The following ENTPD3 variants were observed in gnomAD, a reference collection of about 807,000 sequenced individuals.
The protein encoded by ENTPD3 is CD39 antigen-like 3.
A neutral mutation model predicts 51.2 loss-of-function variants in ENTPD3; 60 were observed. The ratio of observed to expected loss-of-function variants is 1.17; its 90% CI spans 0.95 to 1.45. ENTPD3 has a LOEUF of 1.45. ENTPD3 is among the 40% of genes most tolerant of loss of function. The pLI, the probability that ENTPD3 is intolerant of heterozygous loss-of-function variation, is 0.00. For synonymous variants in ENTPD3, 221 were observed against 238.4 expected (o/e 0.93, Z 0.67); for missense variants, 593 against 641.1 (o/e 0.93, Z 0.81).
intron 10 of ENTPD3, chr3:40,424,187 A>C (rs1174474065): frequency 1.8e-5 from 18 of 985,106 alleles, no homozygotes; most frequent in Non-Finnish European, 2.2e-5. Flanking sequence ...GCCAAGGGCC[A>C]ATGGACTAGG....
intron 7 of ENTPD3, among the ~76,000 whole-genome samples, chr3:40,421,395 T>C (rs1486687783): frequency 6.6e-6 from 1 of 152,158 alleles, no homozygotes; most frequent in African/African-American, 2.4e-5. Context: ...TCAAATCCAA[T>C]TCCTTAGAAA....
At chr3:40,398,775 T>C (rs573942503) in intron 3 of ENTPD3, among the ~76,000 whole-genome samples, 1 of 152,244 alleles carries the variant, frequency 6.6e-6, no homozygotes, top group South Asian at 2.1e-4. Context: ...ATATAGATAA[T>C]AAAAAGTTGG....
chr3:40,403,636 T>C (rs1483966983), intron 4 of ENTPD3, among the ~76,000 whole-genome samples: 4 of 150,246 alleles, frequency 2.7e-5, no homozygotes, highest in Non-Finnish European at 5.9e-5. Context: ...CATAAGGGAC[T>C]TGGATATTTT....
At chr3:40,404,046 T>G (rs1039971488) in intron 4 of ENTPD3, among the ~76,000 whole-genome samples, 1 of 142,964 alleles carries the variant, frequency 7.0e-6, no homozygotes, top group Admixed American at 7.1e-5. Context: ...GCTCAGGTAA[T>G]GCCTGAGCCA....
rs561491766 is a variant in ENTPD3 at position 40,402,197 on chromosome 3, C to T, written c.286+1186C>T. 2.0e-3 allele frequency among the ~76,000 whole-genome samples: 273 copies of T among 138,382 alleles called. 1 individual carries two copies. Among genetic ancestry groups the T allele is most frequent in the Admixed American group, 3.1e-3 (39 of 12,396 alleles). 90.8% of individuals were successfully genotyped at this position (138,382 alleles called of 152,430 possible). ...GCAGTGGCATAATCTTGGCTCACTG[C>T]AATCTCTGCCTCCTGGGTTCAAGCG... On this transcript the variant is annotated intron_variant, in intron 4 of 10. Transcript: ENST00000301825.
intron 6 of ENTPD3, among the ~76,000 whole-genome samples, 196 bp downstream of exon 6, chr3:40,415,036 A>G (rs1300880551): frequency 1.3e-5 from 2 of 152,222 alleles, no homozygotes; most frequent in Non-Finnish European, 2.9e-5. Flanking sequence ...GGTCATAAAC[A>G]GGACTAAATG....
At chr3:40,403,013 C>T (rs1955404570) in intron 4 of ENTPD3, among the ~76,000 whole-genome samples, 1 of 152,134 alleles carries the variant, frequency 6.6e-6, no homozygotes. Flanking sequence ...CTTGAGCCCA[C>T]AGGACAACAG....
rs1166394073 is a variant in ENTPD3 at position 40,415,928 on chromosome 3, T to C, written c.686T>C (p.Phe229Ser). ...DLGGASTQIS[F>S]VAGEKMDLNT... Reference sequence around the variant, plus strand: ...GGTGGTGCCTCCACCCAAATATCCTTCGTGGCAGGAGAGAAGATGGATCTG... The same window carrying C: ...GGTGGTGCCTCCACCCAAATATCCTCCGTGGCAGGAGAGAAGATGGATCTG... Residue 229 changes from phenylalanine to serine, a missense_variant, in exon 7 of 11, where the codon TTC (phenylalanine) becomes TCC (serine). By Grantham distance (155) the Phe-to-Ser change is radical. Transcript: ENST00000301825. 6 of 1,614,070 alleles carry C rather than the reference T, an allele frequency of 3.7e-6. No individual in the cohort carries two copies. In the South Asian group the frequency reaches 5.5e-5, roughly 15 times the overall value.
At chr3:40,388,207 T>C in intron 2 of ENTPD3, 110 bp downstream of exon 2, 2 of 1,058,142 alleles carry the variant, frequency 1.9e-6, no homozygotes, top group Non-Finnish European at 2.9e-6. Flanking sequence ...TGTTTAACTT[T>C]ATTGGTTTGA....
At chr3:40,391,357 A>T (rs937080489) in intron 2 of ENTPD3, 8 of 152,144 alleles carry the variant, frequency 5.3e-5, no homozygotes, top group Non-Finnish European at 7.3e-5. Flanking sequence ...TTAATTTTTT[A>T]AAAATAGATT....
intron 3 of ENTPD3, among the ~76,000 whole-genome samples, chr3:40,399,986 C>T (rs902754912): frequency 2.0e-5 from 3 of 152,108 alleles, no homozygotes; most frequent in African/African-American, 7.2e-5. Flanking sequence ...ATGCCTCAGC[C>T]GGGCACGGTG....
At chr3:40,419,959 C>A (rs1477481328) in intron 7 of ENTPD3, among the ~76,000 whole-genome samples, 1 of 152,080 alleles carries the variant, frequency 6.6e-6, no homozygotes, top group African/African-American at 2.4e-5. Context: ...GGCACATTGG[C>A]AAATTATACT....
chr3:40,391,991 C>G, intron 2 of ENTPD3, 32 bp from the exon 3 acceptor site: 1 of 1,613,060 alleles, frequency 6.2e-7, no homozygotes, highest in Non-Finnish European at 8.5e-7. Flanking sequence ...TTTACCTCCC[C>G]CTCAAGTGTC....
Position 40,428,499 on chromosome 3 carries a change from C to T in ENTPD3, c.*991C>T, listed in dbSNP as rs1248709527. 2 of 152,198 alleles carry T rather than the reference C, an allele frequency of 1.3e-5. No homozygotes were observed. Among genetic ancestry groups the T allele is most frequent in the Non-Finnish European group, 2.9e-5 (2 of 68,032 alleles). 9.4% of individuals were successfully genotyped at this position (152,198 alleles called of 1,614,324 possible). A position where few individuals can be genotyped will look rare whatever the true frequency, so the allele number is the denominator to read the frequency against. On this transcript the variant is annotated 3_prime_UTR_variant, in exon 11 of 11. Transcript: ENST00000301825. ...AAAAGGAAGCTGCAGGAATATTTAT[C>T]TCCAAAGTCGAATGAGAAAGAACTC...
At position 40,387,232 on chromosome 3, in the gene ENTPD3, A is replaced by T. The variant is rs531802808; in HGVS notation, c.-42A>T. The T allele has an allele frequency of 4.6e-5, 7 of 152,448 alleles. No homozygotes were observed. The highest frequency in any genetic ancestry group is 1.0e-4 in the Non-Finnish European group (7 of 68,132). The allele number at this position is 152,448 out of a possible 1,614,324, so 9.4% of individuals were successfully genotyped here. ...CGCGGGCCGCCTCTGCGGCAGCGCTAGTCGCCTTCTCCGAATCGGCTCCGC... is the reference window on the plus strand; with the variant it reads ...CGCGGGCCGCCTCTGCGGCAGCGCTTGTCGCCTTCTCCGAATCGGCTCCGC... On this transcript the variant is annotated 5_prime_UTR_variant, in exon 1 of 11. Transcript: ENST00000301825.
At chr3:40,412,187 T>G (rs1955651315) in intron 5 of ENTPD3, among the ~76,000 whole-genome samples, 1 of 152,204 alleles carries the variant, frequency 6.6e-6, no homozygotes, top group South Asian at 2.1e-4. Flanking sequence ...CTTGGTGATT[T>G]TACTGAGAAC....
rs1955919244 is a variant in ENTPD3 at position 40,423,372 on chromosome 3, T to C, written c.1186T>C (p.Trp396Arg). ...CCTGGACACCTTCAACTCCAGCACC[T>C]GGAATTTCTGCTCACAGAATTGGAG... The part of the protein sequence containing the change: ...FSLDTFNSST[W>R]NFCSQNWSQL... The change falls in exon 9 of 11, where the codon TGG (tryptophan) becomes CGG (arginine). Residue 396 changes from tryptophan to arginine, a missense_variant. Trp to Arg is a moderately radical substitution (Grantham distance 101). Transcript: ENST00000301825. The C allele has an allele frequency of 1.2e-6, 2 of 1,613,412 alleles. No individual in the cohort carries two copies. Among genetic ancestry groups the C allele is most frequent in the African/African-American group, 1.3e-5 (1 of 74,902 alleles).
chr3:40,390,746 G>A (rs1955034129), intron 2 of ENTPD3, among the ~76,000 whole-genome samples: 1 of 152,014 alleles, frequency 6.6e-6, no homozygotes, highest in Admixed American at 6.5e-5. Context: ...ACTTTGAAAG[G>A]TTTGATGAGT....
chr3:40,415,277 A>T (rs182567068), intron 6 of ENTPD3, among the ~76,000 whole-genome samples: 3 of 152,214 alleles, frequency 2.0e-5, no homozygotes, highest in Admixed American at 2.0e-4. Context: ...CTCACAGTCC[A>T]ATCCCTGCAC....
Sources: allele counts gnomAD v4.1 joint callset (sites outside exome capture counted in the v4.1 genomes callset), GRCh38; gene constraint gnomAD v4.1.1; transcripts MANE v1.5; gene names NCBI Gene and HGNC (gene_info 2026-07-23, HGNC 2026-07-21).